The following SH3GL3 variants were observed in gnomAD, a reference collection of about 807,000 sequenced individuals.
The protein encoded by SH3GL3 is endophilin-A3.
SH3GL3 carries 33 observed loss-of-function variants against 47.7 expected under a neutral mutation model. That is an observed-to-expected ratio of 0.69 (90% CI 0.52 to 0.92). The LOEUF is 0.92. Ranked by LOEUF, SH3GL3 falls within the 40% of genes least tolerant of loss-of-function variation. The probability of loss-of-function intolerance (pLI) is 0.00; values close to 1 mark genes in which losing one functional copy is unlikely to be tolerated. For synonymous variants in SH3GL3, 155 were observed against 148.8 expected (o/e 1.04, Z -0.30); for missense variants, 363 against 417.8 (o/e 0.87, Z 1.14).
At chr15:83,465,237 G>C (rs1035972556) in intron 1 of SH3GL3, among the ~76,000 whole-genome samples, 8 of 151,798 alleles carry the variant, frequency 5.3e-5, no homozygotes, top group African/African-American at 1.9e-4. Context: ...TTGAACCCAG[G>C]AGGCAGAGGT....
chr15:83,592,722 A>G (rs1351317207), intron 8 of SH3GL3, among the ~76,000 whole-genome samples: 1 of 152,176 alleles, frequency 6.6e-6, no homozygotes, highest in African/African-American at 2.4e-5. Flanking sequence ...TTGGTGTGAA[A>G]TGAAAAGATC....
intron 8 of SH3GL3, among the ~76,000 whole-genome samples, chr15:83,598,834 G>A (rs1234247092): frequency 2.0e-5 from 3 of 152,154 alleles, no homozygotes; most frequent in East Asian, 1.9e-4. Context: ...TCTTTTGGAT[G>A]TAATAAAATT....
intron 6 of SH3GL3, among the ~76,000 whole-genome samples, chr15:83,578,280 C>T (rs1050219517): frequency 5.3e-5 from 8 of 152,184 alleles, no homozygotes; most frequent in South Asian, 4.1e-4. Flanking sequence ...CACCTGCCTC[C>T]CTCCGGAGCC....
downstream of SH3GL3, among the ~76,000 whole-genome samples, chr15:83,623,705 ATTC>A (rs1238157385): frequency 6.6e-6 from 1 of 152,202 alleles, no homozygotes; most frequent in Non-Finnish European, 1.5e-5. Flanking sequence ...GCCATTAGCT[ATTC>A]TTCCATCAAG....
At chr15:83,531,053 C>T (rs1273555586) in intron 1 of SH3GL3, among the ~76,000 whole-genome samples, 1 of 152,202 alleles carries the variant, frequency 6.6e-6, no homozygotes, top group African/African-American at 2.4e-5. Context: ...AGTGTCAGTA[C>T]TAGAAATTCA....
chr15:83,632,342 T>C, the SH3GL3 span, among the ~76,000 whole-genome samples: 1 of 152,246 alleles, frequency 6.6e-6, no homozygotes, highest in Admixed American at 6.5e-5. Context: ...CTGTTGTCTC[T>C]AGAGGTAATC....
At chr15:83,592,210 A>G (rs1190845322) in intron 8 of SH3GL3, among the ~76,000 whole-genome samples, 1 of 152,202 alleles carries the variant, frequency 6.6e-6, no homozygotes, top group East Asian at 1.9e-4. Context: ...ATAATGGCTT[A>G]GCTTCCTAAC....
chr15:83,522,553 C>CA (rs1486725940), intron 1 of SH3GL3, among the ~76,000 whole-genome samples: 1 of 152,194 alleles, frequency 6.6e-6, no homozygotes, highest in Non-Finnish European at 1.5e-5. Context: ...TGGGCATTCC[C>CA]ATGCTCATGG....
intron 1 of SH3GL3, among the ~76,000 whole-genome samples, chr15:83,518,925 G>A (rs1328817179): frequency 1.3e-5 from 2 of 152,058 alleles, no homozygotes; most frequent in Non-Finnish European, 2.9e-5. Context: ...GTATATGGTG[G>A]AAGGTGGTGG....
intron 1 of SH3GL3, among the ~76,000 whole-genome samples, chr15:83,555,938 G>A (rs2044933296): frequency 6.6e-6 from 1 of 152,058 alleles, no homozygotes; most frequent in Non-Finnish European, 1.5e-5. Context: ...TATCTTTCTG[G>A]TTTTCTTTTT....
intron 1 of SH3GL3, among the ~76,000 whole-genome samples, chr15:83,543,179 T>TA (rs2044247057): frequency 6.6e-6 from 1 of 152,124 alleles, no homozygotes; most frequent in African/African-American, 2.4e-5. Context: ...TTAGGGTTTT[T>TA]ATAATGAAGG....
chr15:83,577,818 G>A (rs1025437886), intron 6 of SH3GL3, among the ~76,000 whole-genome samples: 3 of 152,232 alleles, frequency 2.0e-5, no homozygotes, highest in African/African-American at 7.2e-5. Context: ...TTTCACAGGA[G>A]AATGAAAAGT....
At position 83,575,688 on chromosome 15, in the gene SH3GL3, G is replaced by A. The variant is rs140555140; in HGVS notation, c.466-895G>A. 2.6e-3 allele frequency among the ~76,000 whole-genome samples: 389 copies of A among 152,324 alleles called. 1 individual carries two copies. Among genetic ancestry groups the A allele is most frequent in the African/African-American group, 6.7e-3 (277 of 41,562 alleles). On this transcript the variant is annotated intron_variant, in intron 5 of 8. Transcript: ENST00000427482. Reference sequence around the variant, plus strand: ...GTTTCTGACTCTCTGGGTCTTGTGTGCTCTTTTCACTGAGTCATGGAAGTT... The same window carrying A: ...GTTTCTGACTCTCTGGGTCTTGTGTACTCTTTTCACTGAGTCATGGAAGTT...
intron 1 of SH3GL3, among the ~76,000 whole-genome samples, chr15:83,502,272 C>T (rs553786440): frequency 2.0e-5 from 3 of 152,174 alleles, no homozygotes; most frequent in African/African-American, 4.8e-5. Context: ...AAGGGTTTGC[C>T]GAGTTGGTGA....
At chr15:83,607,840 A>T (rs1407437409) in intron 8 of SH3GL3, among the ~76,000 whole-genome samples, 1 of 142,942 alleles carries the variant, frequency 7.0e-6, no homozygotes, top group Non-Finnish European at 1.5e-5. Flanking sequence ...TCAGAGTGGC[A>T]AATAATAATA....
intron 1 of SH3GL3, among the ~76,000 whole-genome samples, chr15:83,450,005 G>A (rs941770560): frequency 6.6e-6 from 1 of 152,170 alleles, no homozygotes; most frequent in Non-Finnish European, 1.5e-5. Flanking sequence ...GAACTTACCT[G>A]GGGCAGGGGA....
chr15:83,572,744 T>C (rs1461965769), intron 5 of SH3GL3, 46 bp downstream of exon 5: 8 of 1,399,562 alleles, frequency 5.7e-6, no homozygotes, highest in Non-Finnish European at 9.9e-7. Context: ...CATAAGATGA[T>C]GTTTATATTT....
At chr15:83,551,762 C>T (rs1329002887) in intron 1 of SH3GL3, among the ~76,000 whole-genome samples, 1 of 152,130 alleles carries the variant, frequency 6.6e-6, no homozygotes, top group Non-Finnish European at 1.5e-5. Flanking sequence ...TATGCTGTTT[C>T]CTGTTATGTT....
chr15:83,568,677 G>A lies in SH3GL3; in HGVS notation c.331+5G>A. The A allele has an allele frequency of 6.2e-7, 1 of 1,612,272 alleles. No homozygotes were observed. The highest frequency in any genetic ancestry group is 8.5e-7 in the Non-Finnish European group (1 of 1,178,494). Reference sequence around the variant, plus strand: ...TCGGGGAAGACTCCACCTTTGGTGAGTTATTCAGAGATCAGCTGGGGGAGC... The same window carrying A: ...TCGGGGAAGACTCCACCTTTGGTGAATTATTCAGAGATCAGCTGGGGGAGC... On this transcript the variant is annotated splice_donor_5th_base_variant and intron_variant, in intron 4 of 8. Coordinates refer to ENST00000427482, the MANE Select transcript of SH3GL3 (RefSeq NM_003027.5).
Sources: gnomAD v4.1 joint callset for allele counts (sites outside exome capture counted in the v4.1 genomes callset) on GRCh38, gnomAD v4.1.1 for gene constraint, MANE v1.5 for transcripts, NCBI Gene and HGNC (gene_info 2026-07-23, HGNC 2026-07-21) for gene names.